Variants in ADAMTS3 observed in about 807,000 individuals in gnomAD.
ADAMTS3 encodes ADAM metallopeptidase with thrombospondin type 1 motif 3, also known as A disintegrin and metalloproteinase with thrombospondin motifs 3.
A neutral mutation model predicts 129.0 loss-of-function variants in ADAMTS3; 73 were observed. The observed-to-expected ratio is 0.57, with a 90% confidence interval of 0.47 to 0.69. ADAMTS3 has a LOEUF of 0.69. Among genes scored for constraint, ADAMTS3 ranks in the 30% least tolerant of loss-of-function variants. ADAMTS3 has a pLI of 0.00. For synonymous variants in ADAMTS3, 477 were observed against 510.8 expected, an observed-to-expected ratio of 0.93 and a Z score of 0.89; for missense variants, 1,457 against 1,514.5, an observed-to-expected ratio of 0.96 and a Z score of 0.63.
chr4:72,554,517 C>T (rs1721716530), intron 2 of ADAMTS3, among the ~76,000 whole-genome samples: 1 of 152,178 alleles, frequency 6.6e-6, no homozygotes, highest in Admixed American at 6.5e-5. Context: ...TGAATGTTCA[C>T]CTATTTGGCT....
At position 72,555,414 on chromosome 4, in the gene ADAMTS3, G is replaced by T. The variant is rs540141197; in HGVS notation, c.98-6530C>A. Among the ~76,000 whole-genome samples the T allele has an allele frequency of 1.1e-4, 17 of 151,830 alleles. 2 individuals are homozygous for T. Among genetic ancestry groups the T allele is most frequent in the Admixed American group, 9.8e-4 (15 of 15,266 alleles). On this transcript the variant is annotated intron_variant, in intron 2 of 21. Coordinates refer to ENST00000286657, the MANE Select transcript of ADAMTS3 (RefSeq NM_014243.3). ...GGATCACTGTTTTCTCTCCACCAAG[G>T]CAAACTGAATGGGGCCGCCAAGGCC...
At chr4:72,392,102 G>C (rs1035777708) in intron 4 of ADAMTS3, among the ~76,000 whole-genome samples, 1 of 152,146 alleles carries the variant, frequency 6.6e-6, no homozygotes, top group South Asian at 2.1e-4. Context: ...GATAGTGGCT[G>C]CAAGTGCAAC....
chr4:72,313,529 A>C, intron 12 of ADAMTS3, 148 bp downstream of exon 12: 1 of 761,856 alleles, frequency 1.3e-6, no homozygotes. Context: ...AGATGTATCA[A>C]AAACACAGAC....
chr4:72,301,281 A>C (rs1441827835), intron 17 of ADAMTS3, among the ~76,000 whole-genome samples: 1 of 152,170 alleles, frequency 6.6e-6, no homozygotes, highest in Non-Finnish European at 1.5e-5. Flanking sequence ...ACATTAAAAA[A>C]TTGGACTTCG....
At chr4:72,567,519 G>C in intron 1 of ADAMTS3, 118 bp from the exon 2 acceptor site, 1 of 1,003,076 alleles carries the variant, frequency 1.0e-6, no homozygotes. Flanking sequence ...AGATGCTAGA[G>C]ACTGGGATTG....
intron 10 of ADAMTS3, 34 bp downstream of exon 10, chr4:72,318,538 G>A (rs200935964): frequency 2.2e-4 from 354 of 1,605,244 alleles, no homozygotes; most frequent in Admixed American, 4.4e-4. Flanking sequence ...TAGATTTCGA[G>A]CTGCAAAATC....
rs148889818 is a variant in ADAMTS3 at position 72,380,928 on chromosome 4, C to A, written c.661+33887G>T. Among the ~76,000 whole-genome samples the A allele has an allele frequency of 6.0e-3, 914 of 151,984 alleles. 11 individuals carry two copies. The highest frequency in any genetic ancestry group is 0.02 in the African/African-American group (828 of 41,452). ...AAATAAGTTGCTATATATTGTATAC[C>A]CAACCACTAAAAAGGAGTAGGAACA... On this transcript the variant is annotated intron_variant, in intron 4 of 21. Transcript: ENST00000286657.
At chr4:72,501,412 G>A (rs183907539) in intron 3 of ADAMTS3, among the ~76,000 whole-genome samples, 238 of 151,912 alleles carry the variant, frequency 1.6e-3, no homozygotes, top group Middle Eastern at 0.01. Context: ...GATTTGGCTC[G>A]CAGCTTAAAC....
At chr4:72,298,181 G>T in intron 18 of ADAMTS3, 96 bp downstream of exon 18, 1 of 961,538 alleles carries the variant, frequency 1.0e-6, no homozygotes. Context: ...GTGTTTCTCA[G>T]ATTGTGGCCT....
intron 3 of ADAMTS3, among the ~76,000 whole-genome samples, chr4:72,514,471 A>G (rs1473471977): frequency 6.6e-6 from 1 of 152,200 alleles, no homozygotes; most frequent in African/African-American, 2.4e-5. Context: ...GACCAAATCA[A>G]GCTAAGAATA....
chr4:72,291,913 T>G (rs1374668030), intron 19 of ADAMTS3, among the ~76,000 whole-genome samples: 1 of 152,202 alleles, frequency 6.6e-6, no homozygotes, highest in Non-Finnish European at 1.5e-5. Context: ...TGGCTGAAAC[T>G]TTTAATGCCC....
At chr4:72,534,886 A>T (rs1171927956) in intron 3 of ADAMTS3, among the ~76,000 whole-genome samples, 1 of 152,192 alleles carries the variant, frequency 6.6e-6, no homozygotes, top group Non-Finnish European at 1.5e-5. Flanking sequence ...TGGCTCAAAG[A>T]GTCTAGAAAA....
chr4:72,517,879 C>G (rs1230197904), intron 3 of ADAMTS3, among the ~76,000 whole-genome samples: 19 of 151,266 alleles, frequency 1.3e-4, no homozygotes, highest in Non-Finnish European at 2.2e-4. Flanking sequence ...CTTCTGCTAG[C>G]TTTTGAATGT....
intron 5 of ADAMTS3, among the ~76,000 whole-genome samples, chr4:72,334,622 T>G (rs1350886023): frequency 6.6e-6 from 1 of 152,144 alleles, no homozygotes; most frequent in Non-Finnish European, 1.5e-5. Flanking sequence ...TATTGGAATA[T>G]TGCCAATACC....
At chr4:72,319,546 T>C in intron 8 of ADAMTS3, 71 bp from the exon 9 acceptor site, 2 of 1,521,836 alleles carry the variant, frequency 1.3e-6, no homozygotes, top group South Asian at 2.5e-5. Flanking sequence ...GTTTTGAAAA[T>C]AAGCCCTGGG....
intron 4 of ADAMTS3, among the ~76,000 whole-genome samples, chr4:72,384,283 T>C (rs1721378397): frequency 6.6e-6 from 1 of 152,164 alleles, no homozygotes; most frequent in African/African-American, 2.4e-5. Context: ...CAAAATCTGC[T>C]AGAAGACATA....
At chr4:72,305,798 C>T (rs370511934) in intron 16 of ADAMTS3, among the ~76,000 whole-genome samples, 189 bp downstream of exon 16, 5 of 151,638 alleles carry the variant, frequency 3.3e-5, no homozygotes, top group South Asian at 4.1e-4. Context: ...CGCACATATA[C>T]GCATGCACAT....
chr4:72,503,663 T>C (rs1264697205), intron 3 of ADAMTS3, among the ~76,000 whole-genome samples: 2 of 152,208 alleles, frequency 1.3e-5, no homozygotes, highest in African/African-American at 4.8e-5. Context: ...TTGTTAGCTT[T>C]CTGCCTCAAT....
chr4:72,359,248 T>C (rs190927990), intron 4 of ADAMTS3, among the ~76,000 whole-genome samples: 3 of 152,140 alleles, frequency 2.0e-5, no homozygotes, highest in African/African-American at 7.2e-5. Flanking sequence ...GTTGACCATA[T>C]CATGAGCCTT....
Sources: allele counts gnomAD v4.1 joint callset (sites outside exome capture counted in the v4.1 genomes callset), GRCh38; gene constraint gnomAD v4.1.1; transcripts MANE v1.5; gene names NCBI Gene and HGNC (gene_info 2026-07-23, HGNC 2026-07-21).